MGAT5: variants seen among roughly 807,000 people sequenced by gnomAD.
MGAT5 encodes alpha-1,6-mannosylglycoprotein 6-beta-N-acetylglucosaminyltransferase A.
Under a neutral mutation model 94.3 loss-of-function variants are expected in MGAT5, and 30 were observed. The ratio of observed to expected loss-of-function variants is 0.32; its 90% CI spans 0.24 to 0.43. MGAT5 has a LOEUF of 0.43. MGAT5 is among the 20% of genes least tolerant of loss of function. The probability of loss-of-function intolerance (pLI) is 1.00; values close to 1 mark genes in which losing one functional copy is unlikely to be tolerated. For missense variants in MGAT5, 691 were observed against 905.5 expected, an observed-to-expected ratio of 0.76 and a Z score of 3.04; for synonymous variants, 310 against 322.9, an observed-to-expected ratio of 0.96 and a Z score of 0.43.
intron 1 of MGAT5, among the ~76,000 whole-genome samples, chr2:134,190,479 T>C (rs79024958): frequency 0.049 from 7,436 of 152,160 alleles, 356 homozygotes; most frequent in African/African-American, 0.12. Context: ...ATCTGAAGAG[T>C]TTGTAGTCCC....
intron 14 of MGAT5, among the ~76,000 whole-genome samples, chr2:134,429,207 T>C (rs929981139): frequency 6.6e-6 from 1 of 152,192 alleles, no homozygotes; most frequent in Non-Finnish European, 1.5e-5. Flanking sequence ...GGGATGAGGA[T>C]GGTGCAAGCT....
At chr2:134,389,338 G>A (rs920631597) in intron 10 of MGAT5, among the ~76,000 whole-genome samples, 1 of 152,148 alleles carries the variant, frequency 6.6e-6, no homozygotes, top group Non-Finnish European at 1.5e-5. Flanking sequence ...AGCTTGTAAA[G>A]ACTAAGCTTG....
chr2:134,129,095 C>T (rs1299659538), intron 1 of MGAT5, among the ~76,000 whole-genome samples: 1 of 152,214 alleles, frequency 6.6e-6, no homozygotes, highest in Admixed American at 6.5e-5. Context: ...TTCTGTAGGT[C>T]AGAGGTCCCT....
intron 1 of MGAT5, among the ~76,000 whole-genome samples, chr2:134,173,856 G>T (rs114269647): frequency 4.7e-4 from 72 of 152,310 alleles, no homozygotes; most frequent in Admixed American, 4.3e-3. Flanking sequence ...AGCCTTCAGC[G>T]TATAAAGCAC....
chr2:134,319,226 G>A (rs537084160), intron 4 of MGAT5, among the ~76,000 whole-genome samples: 2 of 152,090 alleles, frequency 1.3e-5, no homozygotes, highest in Non-Finnish European at 2.9e-5. Flanking sequence ...TTAATTTTGG[G>A]GGGAATTGCC....
chr2:134,430,350 C>T (rs564792313), intron 14 of MGAT5, among the ~76,000 whole-genome samples: 2 of 152,340 alleles, frequency 1.3e-5, no homozygotes, highest in South Asian at 4.1e-4. Flanking sequence ...TTACCAGGTC[C>T]TCTGTAAGCC....
At chr2:134,135,381 T>C (rs1226166180) in intron 1 of MGAT5, among the ~76,000 whole-genome samples, 2 of 152,122 alleles carry the variant, frequency 1.3e-5, no homozygotes, top group Non-Finnish European at 2.9e-5. Context: ...TTAATACTTT[T>C]AATGTGAAGC....
At chr2:134,249,001 G>C (rs1253602281) in intron 1 of MGAT5, among the ~76,000 whole-genome samples, 1 of 151,970 alleles carries the variant, frequency 6.6e-6, no homozygotes, top group African/African-American at 2.4e-5. Context: ...CAGGCTCCTG[G>C]CCAGGAGCCT....
At chr2:134,234,025 A>C (rs975495858) in intron 1 of MGAT5, among the ~76,000 whole-genome samples, 21 of 152,256 alleles carry the variant, frequency 1.4e-4, no homozygotes, top group African/African-American at 5.1e-4. Context: ...AGAAATCAGA[A>C]CGCTAGATGC....
chr2:134,247,399 A>G (rs1405356225), intron 1 of MGAT5, among the ~76,000 whole-genome samples: 1 of 147,666 alleles, frequency 6.8e-6, no homozygotes, highest in Admixed American at 6.8e-5. Context: ...AAACTAGACC[A>G]CTACTGAGCA....
intron 5 of MGAT5, among the ~76,000 whole-genome samples, chr2:134,336,580 G>A (rs1370008239): frequency 6.6e-6 from 1 of 152,064 alleles, no homozygotes; most frequent in Non-Finnish European, 1.5e-5. Flanking sequence ...GGCAAATAAT[G>A]ACCATCTCTG....
chr2:134,329,537 G>A (rs1286728624), intron 4 of MGAT5, among the ~76,000 whole-genome samples: 1 of 152,104 alleles, frequency 6.6e-6, no homozygotes, highest in Non-Finnish European at 1.5e-5. Flanking sequence ...TTTTGGGACT[G>A]TAGGAACCAA....
chr2:134,264,141 G>A (rs1304294693), intron 1 of MGAT5, among the ~76,000 whole-genome samples: 1 of 149,790 alleles, frequency 6.7e-6, no homozygotes, highest in Non-Finnish European at 1.5e-5. Flanking sequence ...TCCTGCCTCA[G>A]CCTCCTTAGT....
At chr2:134,150,326 C>T (rs1412777312) in intron 1 of MGAT5, among the ~76,000 whole-genome samples, 2 of 152,204 alleles carry the variant, frequency 1.3e-5, no homozygotes, top group African/African-American at 2.4e-5. Context: ...TTTTCCTGAG[C>T]TCTGGCTCTC....
chr2:134,190,069 C>G (rs758633954), intron 1 of MGAT5, among the ~76,000 whole-genome samples: 3 of 152,310 alleles, frequency 2.0e-5, no homozygotes, highest in African/African-American at 4.8e-5. Context: ...TGGGAATCCA[C>G]TGAGTTGCTG....
chr2:134,409,510 C>T (rs1399393887), intron 11 of MGAT5, among the ~76,000 whole-genome samples: 1 of 152,162 alleles, frequency 6.6e-6, no homozygotes, highest in Non-Finnish European at 1.5e-5. Context: ...GCACTTTGTG[C>T]CAATAATGGA....
chr2:134,233,926 A>G (rs1024538479), intron 1 of MGAT5, among the ~76,000 whole-genome samples: 2 of 152,208 alleles, frequency 1.3e-5, no homozygotes, highest in Admixed American at 6.5e-5. Context: ...TCTCTTGAAT[A>G]ATTCCGAAGC....
rs1038245356 is a variant in MGAT5, at chr2:134,374,530, G to A, written c.1380+12122G>A. 3.9e-5 allele frequency among the ~76,000 whole-genome samples: 6 copies of A among 152,234 alleles called. No homozygotes were observed. In the South Asian group the frequency reaches 6.2e-4, roughly 16 times the overall value. On this transcript the variant is annotated intron_variant, in intron 10 of 15. Transcript: ENST00000281923. ...AAAGGGTATTATGGCATTGAGAATC[G>A]GTGATAAACCAACTTAGAAATTATT...
At chr2:134,228,446 A>G (rs1393729195) in intron 1 of MGAT5, among the ~76,000 whole-genome samples, 1 of 152,204 alleles carries the variant, frequency 6.6e-6, no homozygotes, top group Admixed American at 6.5e-5. Flanking sequence ...CTCCCGGATA[A>G]ATATCTGACA....
Sources: allele counts gnomAD v4.1 joint callset (sites outside exome capture counted in the v4.1 genomes callset), GRCh38; gene constraint gnomAD v4.1.1; transcripts MANE v1.5; gene names NCBI Gene and HGNC (gene_info 2026-07-23, HGNC 2026-07-21).